Variants in C10orf67 observed in about 807,000 individuals in gnomAD.
The protein encoded by C10orf67 is chromosome 10 open reading frame 67, also known as uncharacterized protein C10orf67, mitochondrial.
Under a neutral mutation model 35.6 loss-of-function variants are expected in C10orf67, and 60 were observed. The observed-to-expected ratio is 1.68, with a 90% CI of 1.37 to 2.09. The LOEUF (loss-of-function observed/expected upper bound fraction) is 2.09. C10orf67 is among the 30% of genes most tolerant of loss of function. C10orf67 has a pLI of 0.00. For missense variants in C10orf67, 474 were observed against 330.2 expected, an observed-to-expected ratio of 1.44 and a Z score of -3.38; for synonymous variants, 167 against 115.8, an observed-to-expected ratio of 1.44 and a Z score of -2.84.
intron 5 of C10orf67, among the ~76,000 whole-genome samples, chr10:23,294,795 A>G (rs1039981731): frequency 7.2e-5 from 11 of 152,200 alleles, no homozygotes; most frequent in Non-Finnish European, 1.0e-4. Context: ...CGTGTTCCCA[A>G]TCTAATTTGA....
intron 1 of C10orf67, among the ~76,000 whole-genome samples, chr10:23,341,469 CTGTTTCCT>C (rs1845881194): frequency 6.6e-6 from 1 of 152,180 alleles, no homozygotes; most frequent in Admixed American, 6.5e-5. Context: ...TAATAGTCTC[CTGTTTCCT>C]TGTTTCTGCC....
chr10:23,261,164 G>A (rs1842738125), intron 10 of C10orf67, among the ~76,000 whole-genome samples: 1 of 151,946 alleles, frequency 6.6e-6, no homozygotes, highest in African/African-American at 2.4e-5. Context: ...TACAGATTTG[G>A]AAGAGAAAAT....
intron 10 of C10orf67, among the ~76,000 whole-genome samples, chr10:23,262,726 TTC>T (rs1377743742): frequency 1.3e-5 from 2 of 152,198 alleles, no homozygotes; most frequent in African/African-American, 2.4e-5. Flanking sequence ...CTAGAATATT[TTC>T]TGTTCCAAAT....
intron 15 of C10orf67, among the ~76,000 whole-genome samples, chr10:23,204,759 G>C (rs759551088): frequency 1.3e-5 from 2 of 152,168 alleles, no homozygotes; most frequent in African/African-American, 4.8e-5. Flanking sequence ...TGAAACTGGG[G>C]AATGGGAAGA....
Position 23,322,557 on chromosome 10 carries a change from T to C in C10orf67, c.328-20A>G. ...CATCATCTAAAAATGGAAAATATTA[T>C]CCTTAGCGAAGTAACACAGGAACAG... On this transcript the variant is annotated intron_variant, in intron 2 of 15. Coordinates refer to ENST00000636213, the MANE Select transcript of C10orf67 (RefSeq NM_001371909.1). 1 of 1,539,094 alleles carries C rather than the reference T, an allele frequency of 6.5e-7. No individual in the cohort carries two copies. The highest frequency in any genetic ancestry group is 8.9e-7 in the Non-Finnish European group (1 of 1,122,436).
At position 23,344,732 on chromosome 10, in the gene C10orf67, T is replaced by C. The variant is rs1445825797; in HGVS notation, c.43A>G (p.Ile15Val). The C allele has an allele frequency of 2.5e-6, 4 of 1,573,256 alleles. No individual in the cohort carries two copies. The highest frequency in any genetic ancestry group is 1.9e-5 in the Admixed American group (1 of 53,702). Reference sequence around the variant, plus strand: ...AAGCAGTGAACCCATCTAATAACTATGCTCATGACATAATGAGCCCTGCGA... The same window carrying C: ...AAGCAGTGAACCCATCTAATAACTACGCTCATGACATAATGAGCCCTGCGA... ...RDRRAHYVMSIVIRWVHCFSS... is the reference protein window; with the variant it reads ...RDRRAHYVMSVVIRWVHCFSS... Residue 15 changes from isoleucine (I) to valine (V), a missense_variant, in exon 1 of 16, where the codon ATA (isoleucine) becomes GTA (valine). Transcript: ENST00000636213.
At chr10:23,260,563 G>C (rs115231022) in intron 10 of C10orf67, among the ~76,000 whole-genome samples, 616 of 152,284 alleles carry the variant, frequency 4.0e-3, no homozygotes, top group African/African-American at 0.014. Flanking sequence ...GAACTCTAAA[G>C]AACTGTCCCT....
rs1450215902 is a variant in C10orf67, at chr10:23,206,420, G to T, written c.1571-2165C>A. Reference sequence around the variant, plus strand: ...AGGGCTCAGCTGTAACTGTCCATTTGTATGTATATATATGCACATGTATAT... The same window carrying T: ...AGGGCTCAGCTGTAACTGTCCATTTTTATGTATATATATGCACATGTATAT... On this transcript the variant is annotated intron_variant, in intron 15 of 15. Transcript: ENST00000636213. Among the ~76,000 whole-genome samples, 6 of 152,136 alleles carry T rather than the reference G, an allele frequency of 3.9e-5. No homozygotes were observed. The East Asian group carries it at 1.2e-3, about 29-fold the overall frequency.
intron 2 of C10orf67, among the ~76,000 whole-genome samples, chr10:23,326,497 GT>G (rs770377633): frequency 6.6e-6 from 1 of 151,622 alleles, no homozygotes; most frequent in African/African-American, 2.4e-5. Context: ...GCTAAATAAA[GT>G]TTTTTAGGCT....
intron 12 of C10orf67, among the ~76,000 whole-genome samples, chr10:23,240,593 C>T (rs907085127): frequency 1.1e-4 from 17 of 152,126 alleles, no homozygotes; most frequent in African/African-American, 2.9e-4. Flanking sequence ...TGATTGCAAG[C>T]GATGCGAAAA....
chr10:23,219,145 T>C (rs1841509858), intron 15 of C10orf67, among the ~76,000 whole-genome samples: 1 of 152,178 alleles, frequency 6.6e-6, no homozygotes, highest in African/African-American at 2.4e-5. Context: ...TATGTTACAA[T>C]TGTTCTGTCC....
rs752449822 is a variant in C10orf67 at position 23,223,828 on chromosome 10, AC to A, written c.1435-11del. On this transcript the variant is annotated splice_polypyrimidine_tract_variant and intron_variant, in intron 13 of 15. Coordinates refer to ENST00000636213, the MANE Select transcript of C10orf67 (RefSeq NM_001371909.1). ...ATAAGGGTTTTACTTTCTGAAAGAC[AC>A]AAAAGATATGTACTGTGTTATCAGG... 1 of 715,078 alleles carries A rather than the reference AC, an allele frequency of 1.4e-6. No individual in the cohort carries two copies. The allele number at this position is 715,078 out of a possible 1,614,324, so 44.3% of individuals were successfully genotyped here.
In C10orf67 at chr10:23,302,195, T is replaced by G. The variant is rs550841357; in HGVS notation, c.702+1109A>C. ...GTATTAATCTATTAATAATTATTAA[T>G]GTATTATAATATATCATATTATAAT... is the stretch of plus-strand genomic sequence containing the variant. On this transcript the variant is annotated intron_variant, in intron 5 of 15. Coordinates refer to ENST00000636213, the MANE Select transcript of C10orf67 (RefSeq NM_001371909.1). Among the ~76,000 whole-genome samples, 16 of 151,300 alleles carry G rather than the reference T, an allele frequency of 1.1e-4. No homozygotes were observed. The South Asian group carries it at 3.3e-3, about 31-fold the overall frequency.
At chr10:23,284,356 T>C (rs1843465369) in intron 7 of C10orf67, among the ~76,000 whole-genome samples, 1 of 151,950 alleles carries the variant, frequency 6.6e-6, no homozygotes, top group Non-Finnish European at 1.5e-5. Flanking sequence ...TCATACCCTG[T>C]ACCCAGCTCT....
At chr10:23,276,586 G>A (rs1325266201) in intron 8 of C10orf67, among the ~76,000 whole-genome samples, 1 of 152,018 alleles carries the variant, frequency 6.6e-6, no homozygotes, top group Non-Finnish European at 1.5e-5. Context: ...AAGACCAAAG[G>A]AGTGTGTCCT....
intron 15 of C10orf67, among the ~76,000 whole-genome samples, chr10:23,220,767 C>T (rs137969987): frequency 2.0e-5 from 3 of 152,240 alleles, no homozygotes; most frequent in East Asian, 1.9e-4. Flanking sequence ...AAAGTAAAAA[C>T]GTGAAAGGCA....
At chr10:23,295,559 T>C (rs6482261) in intron 5 of C10orf67, among the ~76,000 whole-genome samples, 60,012 of 152,070 alleles carry the variant, frequency 0.39, 14,826 homozygotes, top group East Asian at 0.74. Context: ...TTACATTCAA[T>C]ACAGCAGGTG....
chr10:23,299,964 C>T (rs1163071334), intron 5 of C10orf67, among the ~76,000 whole-genome samples: 5 of 145,988 alleles, frequency 3.4e-5, no homozygotes, highest in Admixed American at 6.9e-5. Context: ...GGTGACAGAG[C>T]GAGACTCTGT....
chr10:23,315,822 T>G (rs1844683948), intron 4 of C10orf67, among the ~76,000 whole-genome samples: 1 of 151,114 alleles, frequency 6.6e-6, no homozygotes, highest in African/African-American at 2.4e-5. Context: ...AAATGCATCT[T>G]TTTTTTTTCT....
Sources: gnomAD v4.1 joint callset for allele counts (sites outside exome capture counted in the v4.1 genomes callset) on GRCh38, gnomAD v4.1.1 for gene constraint, MANE v1.5 for transcripts, NCBI Gene and HGNC (gene_info 2026-07-23, HGNC 2026-07-21) for gene names.